Variants in NRXN3 observed in about 807,000 individuals in gnomAD.
NRXN3 encodes neurexin III.
NRXN3 carries 32 observed loss-of-function variants against 137.6 expected under a neutral mutation model. That is an observed-to-expected ratio of 0.23 (90% confidence interval 0.18 to 0.31). The LOEUF (loss-of-function observed/expected upper bound fraction) is 0.31. Ranked by LOEUF, NRXN3 falls within the 10% of genes least tolerant of loss-of-function variation. The pLI, the probability that NRXN3 is intolerant of heterozygous loss-of-function variation, is 1.00. For synonymous variants in NRXN3, 798 were observed against 784.5 expected (o/e 1.02, Z -0.29); for missense variants, 1,574 against 2,062.5 (o/e 0.76, Z 4.59).
At chr14:79,667,445 G>C (rs1218990327) in intron 17 of NRXN3, among the ~76,000 whole-genome samples, 1 of 151,950 alleles carries the variant, frequency 6.6e-6, no homozygotes, top group Non-Finnish European at 1.5e-5. Flanking sequence ...GGATGAATGG[G>C]TCATCTCCAC....
At chr14:79,058,956 G>A (rs1433892958) in intron 15 of NRXN3, among the ~76,000 whole-genome samples, 2 of 152,142 alleles carry the variant, frequency 1.3e-5, no homozygotes, top group African/African-American at 2.4e-5. Flanking sequence ...GTGGATCTGT[G>A]AGTCAATTAA....
At chr14:79,295,384 A>C (rs1168724254) in intron 15 of NRXN3, among the ~76,000 whole-genome samples, 3 of 152,136 alleles carry the variant, frequency 2.0e-5, no homozygotes, top group Admixed American at 2.0e-4. Flanking sequence ...GATCAAGATT[A>C]TATGAAAAAA....
At chr14:78,764,508 G>A (rs2098702479) in intron 8 of NRXN3, among the ~76,000 whole-genome samples, 1 of 152,080 alleles carries the variant, frequency 6.6e-6, no homozygotes, top group Non-Finnish European at 1.5e-5. Flanking sequence ...AACAACATGT[G>A]GGAAACATAC....
intron 15 of NRXN3, among the ~76,000 whole-genome samples, chr14:79,218,914 A>G (rs559468696): frequency 5.5e-4 from 83 of 152,122 alleles, no homozygotes; most frequent in Middle Eastern, 6.8e-3. Flanking sequence ...AATTTTATAT[A>G]TAAAGGGGTA....
intron 15 of NRXN3, among the ~76,000 whole-genome samples, chr14:79,123,247 GCACA>G (rs1010127230): frequency 6.6e-6 from 1 of 150,950 alleles, no homozygotes; most frequent in Non-Finnish European, 1.5e-5. Flanking sequence ...GTGCGTGCGC[GCACA>G]CACACACACA....
At chr14:79,241,022 C>T (rs558696223) in intron 15 of NRXN3, among the ~76,000 whole-genome samples, 1 of 152,226 alleles carries the variant, frequency 6.6e-6, no homozygotes, top group Admixed American at 6.5e-5. Context: ...ATCTTTGCAA[C>T]ATCCACAGCC....
chr14:79,104,045 C>A (rs2051890538), intron 15 of NRXN3, among the ~76,000 whole-genome samples: 1 of 152,180 alleles, frequency 6.6e-6, no homozygotes, highest in African/African-American at 2.4e-5. Flanking sequence ...CAGATGTGCA[C>A]ATTTCATCCA....
chr14:78,300,286 CT>C (rs2076752680), intron 4 of NRXN3, among the ~76,000 whole-genome samples: 1 of 152,234 alleles, frequency 6.6e-6, no homozygotes, highest in African/African-American at 2.4e-5. Context: ...GAGATGTCCC[CT>C]AATCATTTTT....
At chr14:79,573,933 A>G (rs960888062) in intron 16 of NRXN3, among the ~76,000 whole-genome samples, 1 of 152,120 alleles carries the variant, frequency 6.6e-6, no homozygotes, top group Non-Finnish European at 1.5e-5. Flanking sequence ...AAAGACAATA[A>G]TAATGTATTA....
chr14:78,904,504 T>G (rs1368776144), intron 10 of NRXN3, among the ~76,000 whole-genome samples: 3 of 152,114 alleles, frequency 2.0e-5, no homozygotes, highest in Non-Finnish European at 4.4e-5. Context: ...TTAAGTGTCA[T>G]TTATTTTCAT....
chr14:78,983,396 G>C (rs753862874), intron 14 of NRXN3, among the ~76,000 whole-genome samples: 1 of 152,100 alleles, frequency 6.6e-6, no homozygotes, highest in South Asian at 2.1e-4. Flanking sequence ...AAGAAACCTG[G>C]GTGTTCATCC....
At chr14:79,569,745 A>T (rs982093233) in intron 16 of NRXN3, among the ~76,000 whole-genome samples, 5 of 151,950 alleles carry the variant, frequency 3.3e-5, no homozygotes, top group East Asian at 2.0e-4. Flanking sequence ...AGTAGCTGGG[A>T]TTACAGGTGC....
chr14:79,400,972 T>C (rs1391809105), intron 15 of NRXN3, among the ~76,000 whole-genome samples: 2 of 152,116 alleles, frequency 1.3e-5, no homozygotes, highest in Non-Finnish European at 2.9e-5. Flanking sequence ...GAGTCACCCA[T>C]TGGATTTTTA....
intron 4 of NRXN3, among the ~76,000 whole-genome samples, chr14:78,539,534 A>G (rs2096568651): frequency 1.3e-5 from 2 of 151,716 alleles, no homozygotes; most frequent in Admixed American, 1.3e-4. Context: ...TGATCTATCA[A>G]TTTTGTTGAT....
chr14:79,388,259 G>A (rs1229444077), intron 15 of NRXN3, among the ~76,000 whole-genome samples: 3 of 152,034 alleles, frequency 2.0e-5, no homozygotes, highest in Admixed American at 6.5e-5. Flanking sequence ...GCAGATGCCA[G>A]CATCATGTTT....
At chr14:79,577,424 T>C (rs2153806517) in intron 16 of NRXN3, among the ~76,000 whole-genome samples, 1 of 152,280 alleles carries the variant, frequency 6.6e-6, no homozygotes, top group African/African-American at 2.4e-5. Context: ...ATTGCTAAAT[T>C]TGGAATATTT....
chr14:78,858,954 C>A (rs539252322), intron 10 of NRXN3, among the ~76,000 whole-genome samples: 2 of 152,120 alleles, frequency 1.3e-5, no homozygotes, highest in Non-Finnish European at 2.9e-5. Flanking sequence ...TCCAGAGAAT[C>A]TGATATGGTT....
intron 15 of NRXN3, among the ~76,000 whole-genome samples, chr14:79,067,328 G>A (rs1164268922): frequency 6.6e-6 from 1 of 152,116 alleles, no homozygotes; most frequent in Non-Finnish European, 1.5e-5. Context: ...CTTGATCGTG[G>A]TGGATAAGCT....
At chr14:79,639,240 G>A (rs1331213421) in intron 16 of NRXN3, among the ~76,000 whole-genome samples, 1 of 152,090 alleles carries the variant, frequency 6.6e-6, no homozygotes, top group African/African-American at 2.4e-5. Flanking sequence ...TTTTATTTTA[G>A]GTTCATGTGA....
Sources: gnomAD v4.1 joint callset for allele counts (sites outside exome capture counted in the v4.1 genomes callset) on GRCh38, gnomAD v4.1.1 for gene constraint, MANE v1.5 for transcripts, NCBI Gene and HGNC (gene_info 2026-07-23, HGNC 2026-07-21) for gene names.